DDX60L: variants seen among roughly 807,000 people sequenced by gnomAD.
The protein encoded by DDX60L is DExD/H-box 60 like, also known as probable ATP-dependent RNA helicase DDX60-like.
Under a neutral mutation model 211.6 loss-of-function variants are expected in DDX60L, and 191 were observed. The ratio of observed to expected loss-of-function variants is 0.90; its 90% CI spans 0.80 to 1.02. The LOEUF (loss-of-function observed/expected upper bound fraction) is 1.02. DDX60L is among the 50% of genes least tolerant of loss of function. The pLI, the probability that DDX60L is intolerant of heterozygous loss-of-function variation, is 0.00. For missense variants in DDX60L, 2,007 were observed against 1,984.1 expected (o/e 1.01, Z -0.22); for synonymous variants, 706 against 694.1 (o/e 1.02, Z -0.27).
At chr4:168,445,094 G>GT (rs1239023964) in intron 9 of DDX60L, among the ~76,000 whole-genome samples, 2 of 124,784 alleles carry the variant, frequency 1.6e-5, no homozygotes, top group Admixed American at 1.8e-4. Context: ...CCAGGAGCTG[G>GT]TTTTTTGAAA....
At chr4:168,378,261 T>C in intron 33 of DDX60L, 93 bp downstream of exon 33, 1 of 671,376 alleles carries the variant, frequency 1.5e-6, no homozygotes, top group South Asian at 3.2e-5. Flanking sequence ...GAGTAGCTTA[T>C]ATTAATTTAA....
chr4:168,412,486 CAG>C (rs1400359697), intron 22 of DDX60L, among the ~76,000 whole-genome samples: 1 of 151,908 alleles, frequency 6.6e-6, no homozygotes, highest in African/African-American at 2.4e-5. Flanking sequence ...CTGGTGGTCA[CAG>C]AGAGAGACTC....
intron 4 of DDX60L, among the ~76,000 whole-genome samples, chr4:168,466,744 G>C (rs143611586): frequency 2.0e-5 from 3 of 152,250 alleles, no homozygotes; most frequent in Non-Finnish European, 4.4e-5. Context: ...TGCAGTTTAT[G>C]TTTAAAAACT....
chr4:168,381,334 G>A (rs1742915028), intron 30 of DDX60L, among the ~76,000 whole-genome samples: 1 of 152,084 alleles, frequency 6.6e-6, no homozygotes, highest in African/African-American at 2.4e-5. Flanking sequence ...CTGGAGTGCA[G>A]TAGGTCATAG....
At position 168,459,024 on chromosome 4, in the gene DDX60L, G is replaced by C. The variant is rs57050035; in HGVS notation, c.607-1016C>G. On this transcript the variant is annotated intron_variant, in intron 5 of 37. Transcript: ENST00000682922. ...AAAATATAGAAACTTAGAGAAGGTA[G>C]TATGGACCCCCAATCCTGAACAATT... 7.1e-3 allele frequency among the ~76,000 whole-genome samples: 1,087 copies of C among 152,188 alleles called. 11 individuals are homozygous for C. The highest frequency in any genetic ancestry group is 0.025 in the African/African-American group (1,037 of 41,524).
At chr4:168,371,108 T>G (rs1056740435) in intron 36 of DDX60L, among the ~76,000 whole-genome samples, 13 of 151,218 alleles carry the variant, frequency 8.6e-5, no homozygotes, top group South Asian at 2.1e-4. Context: ...TTAATTTATT[T>G]CATAAAAAAT....
intron 10 of DDX60L, among the ~76,000 whole-genome samples, chr4:168,436,905 A>G (rs1753110722): frequency 6.6e-6 from 1 of 152,164 alleles, no homozygotes; most frequent in Non-Finnish European, 1.5e-5. Flanking sequence ...GGAAAGGGTT[A>G]TTGTGCTGGC....
Position 168,441,512 on chromosome 4 carries a change from A to T in DDX60L, c.1139-20T>A. 2 of 1,573,956 alleles carry T rather than the reference A, an allele frequency of 1.3e-6. No individual in the cohort carries two copies. The highest frequency in any genetic ancestry group is 2.7e-5 in the African/African-American group (2 of 73,620). ...GTGGTTCTGCATAACAATAAAAAAT[A>T]TTAAAATCTCAAAAGTCATACACAT... On this transcript the variant is annotated intron_variant, in intron 9 of 37. Transcript: ENST00000682922.
chr4:168,379,247 T>A (rs1474397052), intron 32 of DDX60L, 116 bp downstream of exon 32: 12 of 921,736 alleles, frequency 1.3e-5, no homozygotes, highest in Non-Finnish European at 1.9e-5. Context: ...ATATACTTAG[T>A]ATTTATTTGC....
At chr4:168,367,039 T>C (rs1740120255) in intron 36 of DDX60L, among the ~76,000 whole-genome samples, 1 of 152,056 alleles carries the variant, frequency 6.6e-6, no homozygotes, top group African/African-American at 2.4e-5. Context: ...TAGCATAATA[T>C]AATATGCTAA....
In DDX60L at chr4:168,423,460, T is replaced by C. The variant is rs555177722; in HGVS notation, c.2097+148A>G. The C allele has an allele frequency of 1.0e-3, 581 of 554,578 alleles. 7 individuals are homozygous for C. The highest frequency in any genetic ancestry group is 4.2e-3 in the South Asian group (120 of 28,558). 34.4% of individuals were successfully genotyped at this position (554,578 alleles called of 1,614,324 possible). On this transcript the variant is annotated intron_variant, in intron 15 of 37. Transcript: ENST00000682922. ...GCAGCTAGGTTATTAATAAGTAATC[T>C]CATATCTATTATTTTATAAACTAGA...
At position 168,461,886 on chromosome 4, in the gene DDX60L, G is replaced by A. The variant is rs548469816; in HGVS notation, c.419C>T (p.Pro140Leu). The change falls in exon 5 of 38, where the codon CCG (proline) becomes CTG (leucine). Residue 140 changes from proline (P) to leucine (L), a missense_variant. Pro to Leu is a moderately conservative substitution (Grantham distance 98, BLOSUM62 -3). Coordinates refer to ENST00000682922, the MANE Select transcript of DDX60L (RefSeq NM_001012967.3). The stretch of plus-strand genomic sequence containing the variant: ...TTCCTCTGAAACTATCAGAAAATAC[G>A]GGTAATGCTGTTCCAAGAATAACTT... Reference protein sequence around the residue: ...DWKLFLEQHYPYFLIVSEEGL... With the variant: ...DWKLFLEQHYLYFLIVSEEGL... 3.7e-5 allele frequency: 60 copies of A among 1,611,520 alleles called. 1 individual carries two copies. Among genetic ancestry groups the A allele is most frequent in the South Asian group, 1.8e-4 (16 of 90,578 alleles).
chr4:168,412,309 G>C (rs895871576), intron 22 of DDX60L, among the ~76,000 whole-genome samples: 1 of 152,172 alleles, frequency 6.6e-6, no homozygotes, highest in African/African-American at 2.4e-5. Context: ...TGCAGGCCCT[G>C]GCTCTTGGAT....
chr4:168,419,082 C>T (rs1750042584), intron 19 of DDX60L, among the ~76,000 whole-genome samples: 1 of 152,346 alleles, frequency 6.6e-6, no homozygotes, highest in African/African-American at 2.4e-5. Context: ...ACTGCACTTA[C>T]CTTGTGGTTT....
At position 168,423,590 on chromosome 4, in the gene DDX60L, A is replaced by T. The variant is rs1457866219; in HGVS notation, c.2097+18T>A. On this transcript the variant is annotated intron_variant, in intron 15 of 37. Transcript: ENST00000682922. ...ATTGAGTAAAAATTTAAAGTATAAG[A>T]AATTCTAGTTCTCTTACCAGAGTTG... 7.1e-7 allele frequency: 1 copy of T among 1,414,102 alleles called. No individual in the cohort carries two copies. Among genetic ancestry groups the T allele is most frequent in the Non-Finnish European group, 9.5e-7 (1 of 1,052,418 alleles). The allele number at this position is 1,414,102 out of a possible 1,614,324, so 87.6% of individuals were successfully genotyped here.
chr4:168,423,009 C>T (rs1039395576), intron 15 of DDX60L, among the ~76,000 whole-genome samples: 1 of 103,006 alleles, frequency 9.7e-6, no homozygotes, highest in African/African-American at 6.1e-5. Flanking sequence ...GTTGTAGAGA[C>T]AGGGTGTTGC....
chr4:168,358,907 A>AACTT (rs1738633033), intron 37 of DDX60L, among the ~76,000 whole-genome samples: 1 of 152,166 alleles, frequency 6.6e-6, no homozygotes, highest in Non-Finnish European at 1.5e-5. Context: ...AGTGTTATTC[A>AACTT]ACTTCTTTTC....
At chr4:168,459,774 G>GGGAAGGAAGCAAGGAAGGAA (rs1757059462) in intron 5 of DDX60L, among the ~76,000 whole-genome samples, 1 of 56,918 alleles carries the variant, frequency 1.8e-5, no homozygotes, top group African/African-American at 5.8e-5. Context: ...GAAGGAAGGA[G>GGGAAGGAAGCAAGGAAGGAA]GGAAGGAAGG....
intron 22 of DDX60L, among the ~76,000 whole-genome samples, chr4:168,412,977 C>T (rs1300273645): frequency 6.6e-6 from 1 of 152,212 alleles, no homozygotes; most frequent in Non-Finnish European, 1.5e-5. Context: ...CTTGGGGTGC[C>T]CCCCAGTGCA....
Sources: gnomAD v4.1 joint callset for allele counts (sites outside exome capture counted in the v4.1 genomes callset) on GRCh38, gnomAD v4.1.1 for gene constraint, MANE v1.5 for transcripts, NCBI Gene and HGNC (gene_info 2026-07-23, HGNC 2026-07-21) for gene names.